Variants in SNRPN observed in about 807,000 individuals in gnomAD.
SNRPN encodes the protein small nuclear ribonucleoprotein polypeptide N.
Under a neutral mutation model 25.2 loss-of-function variants are expected in SNRPN, and 7 were observed. The observed-to-expected ratio is 0.28, with a 90% CI of 0.16 to 0.52. The LOEUF (loss-of-function observed/expected upper bound fraction) is 0.52, where lower values mean the gene tolerates loss of function less well. SNRPN is among the 20% of genes least tolerant of loss of function. The pLI is 0.96. For missense variants in SNRPN, 196 were observed against 322.5 expected (o/e 0.61, Z 3.00); for synonymous variants, 124 against 110.6 (o/e 1.12, Z -0.76).
intron 1 of SNRPN, among the ~76,000 whole-genome samples, chr15:24,869,346 G>T (rs1212890483): frequency 6.6e-6 from 1 of 152,010 alleles, no homozygotes; most frequent in South Asian, 2.1e-4. Context: ...TTACATTAGT[G>T]GGTGATATTT....
chr15:24,879,284 G>T (rs1439222800), intron 1 of SNRPN, among the ~76,000 whole-genome samples: 4 of 151,768 alleles, frequency 2.6e-5, no homozygotes, highest in Non-Finnish European at 5.9e-5. Context: ...AAATACAAAA[G>T]AAATTACCCG....
chr15:24,908,297 A>T (rs2058983456), intron 2 of SNRPN, among the ~76,000 whole-genome samples: 3 of 152,120 alleles, frequency 2.0e-5, no homozygotes, highest in African/African-American at 7.2e-5. Context: ...ATACCTAAAA[A>T]TGTAGAGGCT....
chr15:24,834,258 A>G (rs1330860613), intron 2 of SNRPN, among the ~76,000 whole-genome samples: 3 of 150,198 alleles, frequency 2.0e-5, no homozygotes, highest in African/African-American at 7.4e-5. Flanking sequence ...TCTTTTGTAA[A>G]GAAGCTTGCT....
chr15:24,933,505 C>T (rs895879784), intron 3 of SNRPN, among the ~76,000 whole-genome samples: 2 of 151,662 alleles, frequency 1.3e-5, no homozygotes, highest in Non-Finnish European at 2.9e-5. Context: ...AGGCTGGGCA[C>T]GGTGGCTCAT....
intron 3 of SNRPN, chr15:24,968,411 A>G: frequency 5.4e-6 from 1 of 184,348 alleles, no homozygotes. Context: ...GGGAGGTGTC[A>G]TTTTTTTCTG....
intron 1 of SNRPN, among the ~76,000 whole-genome samples, chr15:24,827,595 G>T (rs539584318): frequency 2.7e-5 from 4 of 150,670 alleles, no homozygotes; most frequent in African/African-American, 7.3e-5. Context: ...TAGGCCAGGC[G>T]CAGTAGCTCA....
intron 3 of SNRPN, among the ~76,000 whole-genome samples, chr15:24,934,311 A>C (rs2061082956): frequency 6.6e-6 from 1 of 152,174 alleles, no homozygotes; most frequent in Non-Finnish European, 1.5e-5. Flanking sequence ...AAATAAAATA[A>C]ATAAATACTT....
chr15:24,918,139 A>G (rs2059649121), intron 2 of SNRPN, among the ~76,000 whole-genome samples: 1 of 151,740 alleles, frequency 6.6e-6, no homozygotes, highest in South Asian at 2.1e-4. Flanking sequence ...GTATGTGCAT[A>G]TGTGTATACT....
chr15:24,948,510 A>G (rs530786546), intron 3 of SNRPN, among the ~76,000 whole-genome samples: 140 of 152,220 alleles, frequency 9.2e-4, no homozygotes, highest in African/African-American at 3.1e-3. Flanking sequence ...TGTTTCATTG[A>G]TGTACCAATA....
At chr15:24,909,881 C>A in intron 2 of SNRPN, 2 of 718,478 alleles carry the variant, frequency 2.8e-6, no homozygotes, top group South Asian at 3.1e-5. Context: ...GGCACAGCGG[C>A]GCTGGGGCAG....
intron 1 of SNRPN, among the ~76,000 whole-genome samples, chr15:24,865,254 C>T (rs772830406): frequency 6.6e-6 from 1 of 151,988 alleles, no homozygotes; most frequent in Non-Finnish European, 1.5e-5. Context: ...ACCATGTTGG[C>T]CAGGCTGGTC....
At chr15:24,887,504 T>A (rs1277986609) in intron 2 of SNRPN, among the ~76,000 whole-genome samples, 3 of 151,240 alleles carry the variant, frequency 2.0e-5, no homozygotes, top group African/African-American at 7.3e-5. Flanking sequence ...CATCAGTCCA[T>A]GTATTATAAT....
intron 2 of SNRPN, among the ~76,000 whole-genome samples, chr15:24,915,317 A>G (rs1158471279): frequency 1.3e-5 from 2 of 151,900 alleles, no homozygotes; most frequent in Non-Finnish European, 2.9e-5. Flanking sequence ...TAGTAGAGAT[A>G]GGGTTTCACC....
In SNRPN at chr15:24,923,919, AAACATTTT is replaced by A. The variant is rs1478378079; in HGVS notation, c.-391+3796_-391+3803del. Among the ~76,000 whole-genome samples, 371 of 54,940 alleles carry A rather than the reference AAACATTTT, an allele frequency of 6.8e-3. 7 individuals carry two copies. Among genetic ancestry groups the A allele is most frequent in the African/African-American group, 0.026 (345 of 13,242 alleles). 36.0% of individuals were successfully genotyped at this position (54,940 alleles called of 152,430 possible). On this transcript the variant is annotated intron_variant, in intron 3 of 11. Coordinates refer to the SNRPN transcript ENST00000400097. ...TGTGTGTGTGTGTGTGTGTGTATAT[AAACATTTT>A]TTTTTTTTTTTTTTTTTTTTTGAGA...
At chr15:24,833,164 G>T (rs996125724) in intron 2 of SNRPN, among the ~76,000 whole-genome samples, 1 of 143,360 alleles carries the variant, frequency 7.0e-6, no homozygotes, top group African/African-American at 2.6e-5. Context: ...TGATGAGAAT[G>T]ATGAATGATG....
At chr15:24,961,208 G>A (rs1181470255) in intron 1 of SNRPN, among the ~76,000 whole-genome samples, 1 of 152,118 alleles carries the variant, frequency 6.6e-6, no homozygotes, top group African/African-American at 2.4e-5. Flanking sequence ...TCAAATATGT[G>A]TGTATGGCTT....
intron 2 of SNRPN, among the ~76,000 whole-genome samples, chr15:24,842,952 C>T (rs1466820304): frequency 3.3e-5 from 5 of 152,184 alleles, no homozygotes; most frequent in African/African-American, 1.2e-4. Flanking sequence ...TAAATGAAAT[C>T]ATTCTGTATG....
At chr15:24,841,066 C>G (rs771295481) in intron 2 of SNRPN, among the ~76,000 whole-genome samples, 5 of 152,112 alleles carry the variant, frequency 3.3e-5, no homozygotes, top group Non-Finnish European at 7.3e-5. Flanking sequence ...GGCTTAAACT[C>G]CTGACCTCGT....
At chr15:24,884,070 G>T (rs2056975722) in intron 1 of SNRPN, among the ~76,000 whole-genome samples, 1 of 149,030 alleles carries the variant, frequency 6.7e-6, no homozygotes, top group Admixed American at 7.0e-5. Context: ...CCAGCATTTT[G>T]GGAGGCTGAA....
Sources: allele counts gnomAD v4.1 joint callset (sites outside exome capture counted in the v4.1 genomes callset), GRCh38; gene constraint gnomAD v4.1.1; transcripts MANE v1.5; gene names NCBI Gene and HGNC (gene_info 2026-07-23, HGNC 2026-07-21).